PCNX2: variants seen among roughly 807,000 people sequenced by gnomAD.
PCNX2 encodes pecanex 2.
Under a neutral mutation model 223.8 loss-of-function variants are expected in PCNX2, and 168 were observed. The observed-to-expected ratio is 0.75, with a 90% CI of 0.66 to 0.85. The LOEUF is 0.85. PCNX2 is among the 40% of genes least tolerant of loss of function. PCNX2 has a pLI of 0.00. For synonymous variants in PCNX2, 1,006 were observed against 1,052.6 expected, an observed-to-expected ratio of 0.96 and a Z score of 0.86; for missense variants, 2,507 against 2,675.5, an observed-to-expected ratio of 0.94 and a Z score of 1.39.
intron 17 of PCNX2, among the ~76,000 whole-genome samples, chr1:233,171,869 T>C (rs943632978): frequency 1.3e-5 from 2 of 152,202 alleles, no homozygotes; most frequent in Admixed American, 6.5e-5. Flanking sequence ...TTCAAATTTC[T>C]TGATTTTTTT....
At chr1:232,985,707 T>C (rs1024992220) in intron 33 of PCNX2, 2 of 496,370 alleles carry the variant, frequency 4.0e-6, no homozygotes, top group South Asian at 7.4e-5. Context: ...AACTCCAGCA[T>C]TGACAGGTGT....
At chr1:233,289,866 T>A (rs533708437) in intron 1 of PCNX2, among the ~76,000 whole-genome samples, 1 of 152,246 alleles carries the variant, frequency 6.6e-6, no homozygotes. Context: ...AAGCCTGCTA[T>A]GCGAGGCTGC....
intron 23 of PCNX2, among the ~76,000 whole-genome samples, chr1:233,083,614 G>A (rs1008572559): frequency 1.3e-5 from 2 of 152,220 alleles, no homozygotes; most frequent in African/African-American, 4.8e-5. Context: ...ATTCACGAGA[G>A]CTCACTAAGA....
chr1:233,081,547 A>G (rs1220957231), intron 23 of PCNX2, among the ~76,000 whole-genome samples: 8 of 152,132 alleles, frequency 5.3e-5, no homozygotes, highest in Non-Finnish European at 1.2e-4. Flanking sequence ...GAGAAGCATC[A>G]GGAAGCCTCT....
At chr1:233,204,914 T>C (rs1681355334) in intron 13 of PCNX2, among the ~76,000 whole-genome samples, 2 of 152,146 alleles carry the variant, frequency 1.3e-5, no homozygotes, top group Non-Finnish European at 2.9e-5. Context: ...GAATGTTCCC[T>C]CTCCAATCCC....
intron 25 of PCNX2, among the ~76,000 whole-genome samples, chr1:233,044,287 C>A (rs1671749552): frequency 6.6e-6 from 1 of 152,036 alleles, no homozygotes; most frequent in African/African-American, 2.4e-5. Flanking sequence ...TGTTTGAGTT[C>A]ATTGTAGATT....
Position 233,174,733 on chromosome 1 carries a change from A to C in PCNX2, c.3273+3069T>G, listed in dbSNP as rs77796861. Among the ~76,000 whole-genome samples, 1,330 of 152,352 alleles carry C rather than the reference A, an allele frequency of 8.7e-3. 24 individuals are homozygous for C. The highest frequency in any genetic ancestry group is 0.031 in the African/African-American group (1,274 of 41,580). ...ATAAAGGGTGTTGAAAATGACAAAGATATGAAAGTTAAAAGAGTCTGTGCT... is the reference window on the plus strand; with the variant it reads ...ATAAAGGGTGTTGAAAATGACAAAGCTATGAAAGTTAAAAGAGTCTGTGCT... On this transcript the variant is annotated intron_variant, in intron 17 of 33. Coordinates refer to ENST00000258229, the MANE Select transcript of PCNX2 (RefSeq NM_014801.4).
rs1660169059 is a variant in PCNX2, at chr1:233,263,479, A to G, written c.154-316T>C. 6.5e-5 allele frequency among the ~76,000 whole-genome samples: 9 copies of G among 137,850 alleles called. No homozygotes were observed. The South Asian group carries it at 2.1e-3, about 31-fold the overall frequency. 90.4% of individuals were successfully genotyped at this position (137,850 alleles called of 152,430 possible). A position where few individuals can be genotyped will look rare whatever the true frequency, so the allele number is the denominator to read the frequency against. On this transcript the variant is annotated intron_variant, in intron 1 of 33. Coordinates refer to ENST00000258229, the MANE Select transcript of PCNX2 (RefSeq NM_014801.4). ...TTTTTTTTTTTTTTTTTTTTGAGACAGTGTCTCACTGTATCACCCAGGCTT... is the reference window on the plus strand; with the variant it reads ...TTTTTTTTTTTTTTTTTTTTGAGACGGTGTCTCACTGTATCACCCAGGCTT...
At chr1:233,094,626 C>T (rs778146654) in intron 22 of PCNX2, among the ~76,000 whole-genome samples, 8 of 152,128 alleles carry the variant, frequency 5.3e-5, no homozygotes, top group Non-Finnish European at 8.8e-5. Flanking sequence ...TATTATCACT[C>T]AAGGATTATC....
chr1:233,004,116 G>GT (rs1670191727), intron 28 of PCNX2, among the ~76,000 whole-genome samples: 1 of 151,648 alleles, frequency 6.6e-6, no homozygotes, highest in Non-Finnish European at 1.5e-5. Flanking sequence ...TTCTGCACAT[G>GT]TATCCCAGAA....
chr1:233,093,007 G>A (rs575183255), intron 22 of PCNX2, among the ~76,000 whole-genome samples: 1 of 152,130 alleles, frequency 6.6e-6, no homozygotes, highest in South Asian at 2.1e-4. Flanking sequence ...CACCGTGTTA[G>A]CCAGGATGGT....
intron 17 of PCNX2, chr1:233,172,625 G>T (rs960260374): frequency 1.4e-5 from 12 of 885,374 alleles, no homozygotes; most frequent in Non-Finnish European, 1.6e-5. Context: ...GTTCTCCATA[G>T]TTCGAGGTCT....
At chr1:233,031,574 C>G (rs928982493) in intron 25 of PCNX2, among the ~76,000 whole-genome samples, 1 of 152,102 alleles carries the variant, frequency 6.6e-6, no homozygotes, top group East Asian at 1.9e-4. Context: ...CATAATATGC[C>G]AGAGATTGAA....
At chr1:233,143,319 C>A (rs557950305) in intron 19 of PCNX2, among the ~76,000 whole-genome samples, 55 of 152,292 alleles carry the variant, frequency 3.6e-4, no homozygotes, top group Non-Finnish European at 6.9e-4. Context: ...AATGGTGATT[C>A]TCAAACATCA....
Position 233,105,744 on chromosome 1 carries a change from T to TA in PCNX2, c.3838-9882dup, listed in dbSNP as rs533604267. On this transcript the variant is annotated intron_variant, in intron 21 of 33. Coordinates refer to ENST00000258229, the MANE Select transcript of PCNX2 (RefSeq NM_014801.4). ...CCCTGATTCTTTGATTAGCTGACCT[T>TA]ATGCAGCCAGACACATTCAGACCCT... Among the ~76,000 whole-genome samples the TA allele has an allele frequency of 1.9e-3, 284 of 152,320 alleles. 2 individuals are homozygous for TA. Among genetic ancestry groups the TA allele is most frequent in the African/African-American group, 6.6e-3 (275 of 41,568 alleles).
At chr1:233,188,210 C>T (rs1288719413) in intron 15 of PCNX2, among the ~76,000 whole-genome samples, 2 of 152,146 alleles carry the variant, frequency 1.3e-5, no homozygotes, top group Non-Finnish European at 2.9e-5. Context: ...ATCTCACACT[C>T]GGGGTCCTCT....
At chr1:233,144,255 C>G (rs12048495) in intron 19 of PCNX2, among the ~76,000 whole-genome samples, 3 of 152,072 alleles carry the variant, frequency 2.0e-5, no homozygotes, top group East Asian at 1.9e-4. Context: ...AGGCACTACC[C>G]GGAAAATATT....
intron 8 of PCNX2, among the ~76,000 whole-genome samples, chr1:233,240,999 T>G (rs1658729252): frequency 6.6e-6 from 1 of 152,218 alleles, no homozygotes; most frequent in South Asian, 2.1e-4. Flanking sequence ...TTTCTGCCTC[T>G]TTCCTTGTTT....
intron 26 of PCNX2, among the ~76,000 whole-genome samples, chr1:233,019,633 A>G (rs1175926502): frequency 6.6e-6 from 1 of 152,166 alleles, no homozygotes; most frequent in Non-Finnish European, 1.5e-5. Context: ...CCCAGCAAGC[A>G]GGATGAGCGT....
Sources: allele counts gnomAD v4.1 joint callset (sites outside exome capture counted in the v4.1 genomes callset), GRCh38; gene constraint gnomAD v4.1.1; transcripts MANE v1.5; gene names NCBI Gene and HGNC (gene_info 2026-07-23, HGNC 2026-07-21).